Variants in POLD3 observed in about 807,000 individuals in gnomAD.
The protein encoded by POLD3 is DNA polymerase delta 3, accessory subunit, also known as DNA polymerase delta subunit 3.
A neutral mutation model predicts 58.2 loss-of-function variants in POLD3; 19 were observed. The ratio of observed to expected loss-of-function variants is 0.33; its 90% CI spans 0.23 to 0.48. The LOEUF is 0.48. Ranked by LOEUF, POLD3 falls within the 20% of genes least tolerant of loss-of-function variation. The pLI is 0.99. For missense variants in POLD3, 504 were observed against 545.5 expected (o/e 0.92, Z 0.76); for synonymous variants, 172 against 193.5 (o/e 0.89, Z 0.92).
chr11:74,613,636 G>C (rs575800738), intron 5 of POLD3, among the ~76,000 whole-genome samples: 1 of 152,294 alleles, frequency 6.6e-6, no homozygotes, highest in South Asian at 2.1e-4. Context: ...TTGTGGGGTT[G>C]TATTGATAAT....
chr11:74,640,966 T>G lies in POLD3; in HGVS notation c.*200T>G. 1 of 1,263,142 alleles carries G rather than the reference T, an allele frequency of 7.9e-7. No homozygotes were observed. Among genetic ancestry groups the G allele is most frequent in the South Asian group, 2.9e-5 (1 of 34,218 alleles). 78.2% of individuals were successfully genotyped at this position (1,263,142 alleles called of 1,614,324 possible). A position where few individuals can be genotyped will look rare whatever the true frequency, so the allele number is the denominator to read the frequency against. Reference sequence around the variant, plus strand: ...CTGGAAGCAGGAGGCAAAAAGCTGTTACCTTCTAATGACATTTAAAAAGCA... The same window carrying G: ...CTGGAAGCAGGAGGCAAAAAGCTGTGACCTTCTAATGACATTTAAAAAGCA... On this transcript the variant is annotated 3_prime_UTR_variant, in exon 12 of 12. Coordinates refer to ENST00000263681, the MANE Select transcript of POLD3 (RefSeq NM_006591.3).
At chr11:74,655,658 C>CA (rs11316500) in intron 4 of POLD3, among the ~76,000 whole-genome samples, 9,516 of 133,414 alleles carry the variant, frequency 0.071, 392 homozygotes, top group African/African-American at 0.14. Context: ...TATATTTGAC[C>CA]AAAAAAAAAA....
intron 4 of POLD3, among the ~76,000 whole-genome samples, chr11:74,652,434 C>G (rs1591327050): frequency 6.6e-6 from 1 of 152,202 alleles, no homozygotes; most frequent in South Asian, 2.1e-4. Context: ...GTGACTTTCT[C>G]AGTGCTTCAA....
intron 10 of POLD3, among the ~76,000 whole-genome samples, chr11:74,634,932 C>T (rs2032704278): frequency 6.6e-6 from 1 of 152,180 alleles, no homozygotes; most frequent in South Asian, 2.1e-4. Flanking sequence ...AACCTGGGAG[C>T]TGTTCTGTTT....
intron 2 of POLD3, among the ~76,000 whole-genome samples, chr11:74,603,897 G>A (rs1194345830): frequency 6.6e-6 from 1 of 152,096 alleles, no homozygotes; most frequent in African/African-American, 2.4e-5. Context: ...ATTATTGAAG[G>A]GAGCCAACTT....
At position 74,618,682 on chromosome 11, in the gene POLD3, C is replaced by T; in HGVS notation, c.538C>T (p.Pro180Ser). Reference protein sequence around the residue: ...NELTTNGHGPPASKQVSQQPK... With the variant: ...NELTTNGHGPSASKQVSQQPK... ...GCTGACCACCAATGGTCATGGCCCACCTGCATCCAAGCAGGTTTCCCAGCA... is the reference window on the plus strand; with the variant it reads ...GCTGACCACCAATGGTCATGGCCCATCTGCATCCAAGCAGGTTTCCCAGCA... Residue 180 changes from proline to serine, a missense_variant, in exon 6 of 12, where the codon CCT becomes TCT. Coordinates refer to ENST00000263681, the MANE Select transcript of POLD3 (RefSeq NM_006591.3). 5 of 1,614,138 alleles carry T rather than the reference C, an allele frequency of 3.1e-6. No homozygotes were observed. Among genetic ancestry groups the T allele is most frequent in the Non-Finnish European group, 4.2e-6 (5 of 1,180,018 alleles).
chr11:74,637,077 C>T (rs1328581881), intron 11 of POLD3, among the ~76,000 whole-genome samples: 1 of 152,030 alleles, frequency 6.6e-6, no homozygotes, highest in Non-Finnish European at 1.5e-5. Flanking sequence ...AGTTGGATAG[C>T]CCATGGTTGT....
At chr11:74,596,814 C>G (rs1038904974) in intron 2 of POLD3, among the ~76,000 whole-genome samples, 2 of 152,170 alleles carry the variant, frequency 1.3e-5, no homozygotes, top group East Asian at 1.9e-4. Context: ...TTTCCACTTC[C>G]GTGAGATCAC....
At chr11:74,632,985 G>A (rs2032640196) in intron 9 of POLD3, among the ~76,000 whole-genome samples, 1 of 150,050 alleles carries the variant, frequency 6.7e-6, no homozygotes, top group Non-Finnish European at 1.5e-5. Flanking sequence ...CCTTTTTGGA[G>A]CTTAGAGTCT....
In POLD3 at chr11:74,593,122, T is replaced by G. The variant is rs1405483977; in HGVS notation, c.60+404T>G. The G allele has an allele frequency of 9.7e-6, 7 of 724,934 alleles. No homozygotes were observed. The Admixed American group carries it at 2.6e-4, about 27-fold the overall frequency. The allele number at this position is 724,934 out of a possible 1,614,324, so 44.9% of individuals were successfully genotyped here. A position where few individuals can be genotyped will look rare whatever the true frequency, so the allele number is the denominator to read the frequency against. On this transcript the variant is annotated intron_variant, in intron 1 of 11. Transcript: ENST00000263681. ...AGTTACAAGTTGCGTAACCTCCAGATACTGTTTCCTCTTCCTGGAAATTTA... is the reference window on the plus strand; with the variant it reads ...AGTTACAAGTTGCGTAACCTCCAGAGACTGTTTCCTCTTCCTGGAAATTTA...
At chr11:74,654,178 A>G (rs918043092) in intron 4 of POLD3, among the ~76,000 whole-genome samples, 1 of 152,216 alleles carries the variant, frequency 6.6e-6, no homozygotes, top group Non-Finnish European at 1.5e-5. Flanking sequence ...GACAACATCC[A>G]AACTATATCA....
At chr11:74,624,122 T>G (rs2032355495) in intron 7 of POLD3, among the ~76,000 whole-genome samples, 1 of 152,096 alleles carries the variant, frequency 6.6e-6, no homozygotes, top group South Asian at 2.1e-4. Flanking sequence ...ACAATATAAT[T>G]TATGTGATAG....
At chr11:74,636,500 G>A (rs551492612) in intron 11 of POLD3, among the ~76,000 whole-genome samples, 2 of 152,312 alleles carry the variant, frequency 1.3e-5, no homozygotes, top group African/African-American at 4.8e-5. Context: ...TAAGCACTGA[G>A]ATCTTGGCTA....
chr11:74,604,549 TCCATAG>T, intron 2 of POLD3, 137 bp from the exon 3 acceptor site: 1 of 604,062 alleles, frequency 1.7e-6, no homozygotes. Flanking sequence ...TTTTCAACTG[TCCATAG>T]GCCAAGCAAA....
chr11:74,594,255 G>T, intron 2 of POLD3, 139 bp downstream of exon 2: 1 of 620,708 alleles, frequency 1.6e-6, no homozygotes. Context: ...TTCTTGGCTT[G>T]TAGCTGCGTA....
intron 3 of POLD3, among the ~76,000 whole-genome samples, chr11:74,606,884 C>T (rs1446629539): frequency 6.6e-6 from 1 of 152,116 alleles, no homozygotes; most frequent in Non-Finnish European, 1.5e-5. Context: ...CTTTTTTTAG[C>T]AGCAGAGTGC....
intron 2 of POLD3, among the ~76,000 whole-genome samples, chr11:74,601,009 G>A (rs551744421): frequency 9.2e-5 from 14 of 152,168 alleles, no homozygotes; most frequent in Admixed American, 7.8e-4. Context: ...GTGAGCCACC[G>A]CACCCAGCCA....
chr11:74,619,996 A>G, intron 6 of POLD3, 21 bp from the exon 7 acceptor site: 10 of 1,603,430 alleles, frequency 6.2e-6, no homozygotes, highest in South Asian at 1.1e-5. Context: ...AAAAAATCAT[A>G]TGTGTTTTCT....
intron 2 of POLD3, among the ~76,000 whole-genome samples, chr11:74,601,320 C>T (rs1329627645): frequency 6.6e-6 from 1 of 152,106 alleles, no homozygotes; most frequent in African/African-American, 2.4e-5. Flanking sequence ...TGGAAAGAAA[C>T]ATTAGAGGGC....
Sources: allele counts gnomAD v4.1 joint callset (sites outside exome capture counted in the v4.1 genomes callset), GRCh38; gene constraint gnomAD v4.1.1; transcripts MANE v1.5; gene names NCBI Gene and HGNC (gene_info 2026-07-23, HGNC 2026-07-21).